Variants in EPS15L1 observed in about 807,000 individuals in gnomAD.
The protein encoded by EPS15L1 is epidermal growth factor receptor pathway substrate 15 like 1.
Under a neutral mutation model 117.1 loss-of-function variants are expected in EPS15L1, and 43 were observed. That is an observed-to-expected ratio of 0.37 (90% CI 0.29 to 0.47). The LOEUF (loss-of-function observed/expected upper bound fraction) is 0.47, where lower values mean the gene tolerates loss of function less well. Among genes scored for constraint, EPS15L1 ranks in the 20% least tolerant of loss-of-function variants. The pLI is 0.99. For missense variants in EPS15L1, 981 were observed against 1,164.0 expected, an observed-to-expected ratio of 0.84 and a Z score of 2.29; for synonymous variants, 459 against 470.5, an observed-to-expected ratio of 0.98 and a Z score of 0.32.
chr19:16,374,809 T>TGGTGC (rs2092272566), intron 22 of EPS15L1, among the ~76,000 whole-genome samples: 1 of 152,278 alleles, frequency 6.6e-6, no homozygotes, highest in Admixed American at 6.5e-5. Flanking sequence ...TGTAAATGTG[T>TGGTGC]GTACACGTAT....
intron 12 of EPS15L1, 52 bp from the exon 13 acceptor site, chr19:16,413,897 C>G (rs945931878): frequency 7.1e-7 from 1 of 1,414,026 alleles, no homozygotes; most frequent in Non-Finnish European, 1.0e-6. Context: ...TAAGCCTCCA[C>G]CCCTTCCCAA....
At position 16,386,242 on chromosome 19, in the gene EPS15L1, G is replaced by A. The variant is rs191694456; in HGVS notation, c.2104-11C>T. On this transcript the variant is annotated splice_polypyrimidine_tract_variant and intron_variant, in intron 19 of 23. Coordinates refer to ENST00000455140, the MANE Select transcript of EPS15L1 (RefSeq NM_001258374.3). ...TTCAAAGGGGTCGAGCTAAATGAAA[G>A]GAGAGAGGAAAGAGTAAAAAGCAGT... 88 of 1,608,452 alleles carry A rather than the reference G, an allele frequency of 5.5e-5. No homozygotes were observed. The East Asian group carries it at 8.5e-4, about 16-fold the overall frequency.
Position 16,442,279 on chromosome 19 carries a change from G to C in EPS15L1, c.34-60C>G, listed in dbSNP as rs890016788. Reference sequence around the variant, plus strand: ...AACACAACCCCTTGGGGAAAAAAAGGGTTGCCCCCTCAATTTTGTCATGAC... The same window carrying C: ...AACACAACCCCTTGGGGAAAAAAAGCGTTGCCCCCTCAATTTTGTCATGAC... On this transcript the variant is annotated intron_variant, in intron 1 of 23. Coordinates refer to ENST00000455140, the MANE Select transcript of EPS15L1 (RefSeq NM_001258374.3). 32 of 1,480,796 alleles carry C rather than the reference G, an allele frequency of 2.2e-5. No homozygotes were observed. In the South Asian group the frequency reaches 3.0e-4, roughly 14 times the overall value. The allele number at this position is 1,480,796 out of a possible 1,614,324, so 91.7% of individuals were successfully genotyped here.
intron 1 of EPS15L1, among the ~76,000 whole-genome samples, chr19:16,461,576 C>G (rs1056245896): frequency 1.5e-4 from 22 of 148,908 alleles, no homozygotes; most frequent in African/African-American, 5.4e-4. Flanking sequence ...GAGCTGAGAT[C>G]GCGCCACTGC....
At chr19:16,452,753 T>C (rs892215322) in intron 1 of EPS15L1, among the ~76,000 whole-genome samples, 2 of 151,962 alleles carry the variant, frequency 1.3e-5, no homozygotes, top group Non-Finnish European at 1.5e-5. Context: ...AGTGGGTACA[T>C]GGGAATTCAT....
intron 10 of EPS15L1, among the ~76,000 whole-genome samples, chr19:16,418,581 C>G (rs1414989958): frequency 6.6e-6 from 1 of 152,070 alleles, no homozygotes; most frequent in Admixed American, 6.5e-5. Flanking sequence ...GGGGTGTCAT[C>G]ATGATGAAGA....
At chr19:16,362,920 C>T (rs2092078798) in intron 22 of EPS15L1, among the ~76,000 whole-genome samples, 2 of 152,086 alleles carry the variant, frequency 1.3e-5, no homozygotes, top group African/African-American at 4.8e-5. Context: ...TCCAGGATGC[C>T]CGGTCCCAGC....
At position 16,415,110 on chromosome 19, in the gene EPS15L1, G is replaced by T. The variant is rs531157801; in HGVS notation, c.1194-1265C>A. Among the ~76,000 whole-genome samples the T allele has an allele frequency of 3.3e-5, 5 of 152,270 alleles. No individual in the cohort carries two copies. The East Asian group carries it at 9.6e-4, about 29-fold the overall frequency. On this transcript the variant is annotated intron_variant, in intron 12 of 23. Transcript: ENST00000455140. ...TTGGAACAGGAAAAATTGATTATAG[G>T]TGTGAGCCACAAGGCCCAGGGTTTA...
At chr19:16,379,507 G>C (rs1233783498) in intron 21 of EPS15L1, among the ~76,000 whole-genome samples, 1 of 152,244 alleles carries the variant, frequency 6.6e-6, no homozygotes, top group East Asian at 1.9e-4. Context: ...ACAGATTGCA[G>C]ATGTGGGGGA....
intron 1 of EPS15L1, among the ~76,000 whole-genome samples, chr19:16,456,426 G>A (rs540297215): frequency 6.6e-6 from 1 of 150,616 alleles, no homozygotes; most frequent in South Asian, 2.1e-4. Flanking sequence ...GGAAGCCAAG[G>A]TGGGTGGATC....
intron 22 of EPS15L1, among the ~76,000 whole-genome samples, chr19:16,363,986 G>A (rs1450793879): frequency 6.6e-6 from 1 of 152,224 alleles, no homozygotes; most frequent in Non-Finnish European, 1.5e-5. Context: ...GTCCCACAGG[G>A]TTCCACCGGG....
chr19:16,366,447 T>C (rs1479574001), intron 22 of EPS15L1, among the ~76,000 whole-genome samples: 1 of 152,202 alleles, frequency 6.6e-6, no homozygotes, highest in Admixed American at 6.5e-5. Flanking sequence ...GAATTCTGCC[T>C]GCTACCATTT....
chr19:16,363,773 G>GC (rs1284943949), intron 22 of EPS15L1, among the ~76,000 whole-genome samples: 1 of 152,326 alleles, frequency 6.6e-6, no homozygotes, highest in South Asian at 2.1e-4. Flanking sequence ...CTGGCCCGTA[G>GC]CCCCCCCTTG....
At chr19:16,406,389 T>TA (rs922462575) in intron 13 of EPS15L1, among the ~76,000 whole-genome samples, 1 of 152,010 alleles carries the variant, frequency 6.6e-6, no homozygotes, top group Admixed American at 6.5e-5. Context: ...GCTGGAAACA[T>TA]AAAGTCAGGC....
rs548651558 is a variant in EPS15L1, at chr19:16,405,652, C to T, written c.1267-903G>A. Among the ~76,000 whole-genome samples, 1 of 152,322 alleles carries T rather than the reference C, an allele frequency of 6.6e-6. No homozygotes were observed. Among genetic ancestry groups the T allele is most frequent in the East Asian group, 1.9e-4 (1 of 5,174 alleles). ...TCCTTGGCCATGGAACGGGATGGCG[C>T]CGTGTGCTTTGCCTTACAGTGGGAC... On this transcript the variant is annotated intron_variant, in intron 13 of 23. Coordinates refer to ENST00000455140, the MANE Select transcript of EPS15L1 (RefSeq NM_001258374.3). This position sits in a 1 kb window ranked among gnomAD's most constrained non-coding sequence, Gnocchi z 4.0.
At chr19:16,380,892 G>A (rs1425959161) in intron 21 of EPS15L1, among the ~76,000 whole-genome samples, 1 of 152,228 alleles carries the variant, frequency 6.6e-6, no homozygotes, top group African/African-American at 2.4e-5. Context: ...TGGGCTATTT[G>A]CGTCCCGTCA....
chr19:16,361,351 T>A (rs2092048398), intron 23 of EPS15L1, among the ~76,000 whole-genome samples: 1 of 152,160 alleles, frequency 6.6e-6, no homozygotes, highest in Non-Finnish European at 1.5e-5. Context: ...GGGGCGGGAC[T>A]GTGAGAACTT....
Position 16,404,841 on chromosome 19 carries a change from A to G in EPS15L1, c.1267-92T>C. On this transcript the variant is annotated intron_variant, in intron 13 of 23. Transcript: ENST00000455140. The surrounding 1 kb of genome is among the most constrained non-coding windows in gnomAD (Gnocchi z 4.2). ...GCAGCCTGGGCCAGAAGTCCAGGGG[A>G]AGCCTCCGAAACCACCCACTGTGAC... 1 of 1,422,016 alleles carries G rather than the reference A, an allele frequency of 7.0e-7. No homozygotes were observed. The highest frequency in any genetic ancestry group is 9.7e-7 in the Non-Finnish European group (1 of 1,032,908). 88.1% of individuals were successfully genotyped at this position (1,422,016 alleles called of 1,614,324 possible). A position where few individuals can be genotyped will look rare whatever the true frequency, so the allele number is the denominator to read the frequency against.
intron 1 of EPS15L1, among the ~76,000 whole-genome samples, chr19:16,462,023 C>A (rs2093257635): frequency 6.6e-6 from 1 of 152,224 alleles, no homozygotes. Context: ...GCAGGAAAGA[C>A]AGAGCTCCTC....
Sources: allele counts gnomAD v4.1 joint callset (sites outside exome capture counted in the v4.1 genomes callset), GRCh38; gene constraint gnomAD v4.1.1; non-coding constraint Gnocchi (gnomAD v3.1); transcripts MANE v1.5; gene names NCBI Gene and HGNC (gene_info 2026-07-23, HGNC 2026-07-21).